The following PHF21B variants were observed in gnomAD, a reference collection of about 807,000 sequenced individuals.
PHF21B encodes the protein PHD finger protein 21B.
A neutral mutation model predicts 62.2 loss-of-function variants in PHF21B; 22 were observed. The ratio of observed to expected loss-of-function variants is 0.35; its 90% CI spans 0.25 to 0.51. The LOEUF (loss-of-function observed/expected upper bound fraction) is 0.51. PHF21B is among the 20% of genes least tolerant of loss of function. The pLI is 0.97. For synonymous variants in PHF21B, 341 were observed against 314.7 expected (o/e 1.08, Z -0.88); for missense variants, 701 against 707.9 (o/e 0.99, Z 0.11).
intron 9 of PHF21B, 71 bp from the exon 10 acceptor site, chr22:44,888,192 A>G (rs1045703357): frequency 1.7e-5 from 24 of 1,390,108 alleles, no homozygotes; most frequent in Non-Finnish European, 2.2e-5. Context: ...AGCCAGGGCC[A>G]GGCCCAGGCA....
chr22:44,976,573 C>A (rs965399262), intron 2 of PHF21B, among the ~76,000 whole-genome samples: 1 of 152,166 alleles, frequency 6.6e-6, no homozygotes. Flanking sequence ...TTGACTGTTC[C>A]GTCTTGTTTC....
chr22:44,957,821 C>T (rs979817435), intron 2 of PHF21B, among the ~76,000 whole-genome samples: 3 of 152,104 alleles, frequency 2.0e-5, no homozygotes, highest in Middle Eastern at 6.8e-3. Flanking sequence ...AGAAAGGCGA[C>T]GCATGAAATA....
chr22:44,885,042 G>A (rs2070831006), intron 12 of PHF21B, among the ~76,000 whole-genome samples: 1 of 152,282 alleles, frequency 6.6e-6, no homozygotes, highest in South Asian at 2.1e-4. Context: ...CCAGGGTGCT[G>A]TCAATCGCTT....
chr22:44,902,330 AT>A, intron 5 of PHF21B: 2 of 335,102 alleles, frequency 6.0e-6, no homozygotes, highest in Non-Finnish European at 1.2e-5. Flanking sequence ...GGACTCACAA[AT>A]TTTACTGAGT....
At chr22:44,994,027 T>C (rs1406867374) in intron 2 of PHF21B, among the ~76,000 whole-genome samples, 1 of 152,208 alleles carries the variant, frequency 6.6e-6, no homozygotes, top group Non-Finnish European at 1.5e-5. Flanking sequence ...GGTTCATAGT[T>C]TGTCCATCTC....
intron 5 of PHF21B, among the ~76,000 whole-genome samples, chr22:44,899,668 T>C (rs2071123771): frequency 6.6e-6 from 1 of 152,128 alleles, no homozygotes; most frequent in East Asian, 1.9e-4. Flanking sequence ...TTCCTTCTCC[T>C]CTTCTTCTGT....
At chr22:44,984,991 C>A (rs2072920505) in intron 2 of PHF21B, among the ~76,000 whole-genome samples, 1 of 152,198 alleles carries the variant, frequency 6.6e-6, no homozygotes, top group South Asian at 2.1e-4. Context: ...GTGATGTTGG[C>A]AACCCTGTGG....
At chr22:44,925,028 T>A (rs982784158) in intron 2 of PHF21B, among the ~76,000 whole-genome samples, 1 of 152,010 alleles carries the variant, frequency 6.6e-6, no homozygotes, top group African/African-American at 2.4e-5. Flanking sequence ...AAAATAACAC[T>A]GCCAAAAAAA....
chr22:44,943,307 G>T (rs1267667781), intron 2 of PHF21B, among the ~76,000 whole-genome samples: 2 of 152,170 alleles, frequency 1.3e-5, no homozygotes, highest in Non-Finnish European at 2.9e-5. Context: ...AAGCACAGGG[G>T]GTTGATTACA....
chr22:44,910,510 C>T (rs376161186), intron 5 of PHF21B, among the ~76,000 whole-genome samples: 24 of 152,040 alleles, frequency 1.6e-4, no homozygotes, highest in Non-Finnish European at 2.6e-4. Context: ...AATCATGGGG[C>T]GGGTCTTTCC....
intron 2 of PHF21B, among the ~76,000 whole-genome samples, chr22:45,001,620 T>A (rs538726893): frequency 2.0e-5 from 3 of 152,246 alleles, no homozygotes; most frequent in African/African-American, 7.2e-5. Context: ...TAAAGCCTTA[T>A]AGAGTGAGAT....
chr22:45,004,755 C>G (rs2073283768), intron 2 of PHF21B, among the ~76,000 whole-genome samples: 1 of 152,238 alleles, frequency 6.6e-6, no homozygotes, highest in South Asian at 2.1e-4. Context: ...CTGGACACAG[C>G]TGGTAAGTCA....
At chr22:44,890,135 C>T (rs2070937718) in intron 8 of PHF21B, among the ~76,000 whole-genome samples, 1 of 152,112 alleles carries the variant, frequency 6.6e-6, no homozygotes, top group South Asian at 2.1e-4. Flanking sequence ...TGGGGTCTCA[C>T]TCCTGGGCAG....
At chr22:44,980,265 C>G (rs1328112277) in intron 2 of PHF21B, among the ~76,000 whole-genome samples, 2 of 152,146 alleles carry the variant, frequency 1.3e-5, no homozygotes, top group Admixed American at 6.5e-5. Flanking sequence ...AGTGGAAGAT[C>G]TGGACTCCTG....
rs2073381985 is a variant in PHF21B at position 45,009,247 on chromosome 22, G to C, written c.54+249C>G. 1.9e-6 allele frequency: 1 copy of C among 520,928 alleles called. No homozygotes were observed. The highest frequency in any genetic ancestry group is 2.0e-5 in the African/African-American group (1 of 49,116). 32.3% of individuals were successfully genotyped at this position (520,928 alleles called of 1,614,324 possible). On this transcript the variant is annotated intron_variant, in intron 1 of 12. Transcript: ENST00000313237. This position sits in a 1 kb window ranked among gnomAD's most constrained non-coding sequence, Gnocchi z 5.9. ...GTCATGCAGACCCTACATCGCTTAA[G>C]AGAAGACTCCAGGCTCGGGTCCCAC...
rs535081629 is a variant in PHF21B at position 44,913,984 on chromosome 22, T to C, written c.669A>G (p.Ser223=). The change falls in exon 5 of 13, where the codon TCA becomes TCG. Residue 223 remains serine, a synonymous_variant. Transcript: ENST00000313237. ...TGACCTGGAAGATGCCATGGAGGGGTGAAGGGGACAGTGATGGGGAGGGAG... is the reference window on the plus strand; with the variant it reads ...TGACCTGGAAGATGCCATGGAGGGGCGAAGGGGACAGTGATGGGGAGGGAG... ...LTPPSPSLSP[S]PLHGIFQVII... 101 of 1,376,454 alleles carry C rather than the reference T, an allele frequency of 7.3e-5. No homozygotes were observed. In the Admixed American group the frequency reaches 1.4e-3, roughly 19 times the overall value. 85.3% of individuals were successfully genotyped at this position (1,376,454 alleles called of 1,614,324 possible).
chr22:44,963,150 T>C (rs1415254993), intron 2 of PHF21B, among the ~76,000 whole-genome samples: 1 of 152,226 alleles, frequency 6.6e-6, no homozygotes, highest in African/African-American at 2.4e-5. Context: ...AGCTGTGACA[T>C]GGACTCCCTG....
At chr22:44,883,540 G>A (rs1199153462) in intron 12 of PHF21B, among the ~76,000 whole-genome samples, 1 of 152,130 alleles carries the variant, frequency 6.6e-6, no homozygotes, top group African/African-American at 2.4e-5. Flanking sequence ...GCCTGGGAAC[G>A]TCCTTCCCAT....
intron 2 of PHF21B, among the ~76,000 whole-genome samples, chr22:44,946,265 T>C (rs2072068757): frequency 6.8e-6 from 1 of 147,166 alleles, no homozygotes. Flanking sequence ...AGAGGCTCCC[T>C]ATCTCTGAGA....
Sources: allele counts gnomAD v4.1 joint callset (sites outside exome capture counted in the v4.1 genomes callset), GRCh38; gene constraint gnomAD v4.1.1; non-coding constraint Gnocchi (gnomAD v3.1); transcripts MANE v1.5; gene names NCBI Gene and HGNC (gene_info 2026-07-23, HGNC 2026-07-21).